PRKCQ: variants seen among roughly 807,000 people sequenced by gnomAD.
The protein encoded by PRKCQ is protein kinase C theta type.
In PRKCQ, 41 loss-of-function variants were observed where a neutral mutation model predicts 91.2. The ratio of observed to expected loss-of-function variants is 0.45; its 90% confidence interval spans 0.35 to 0.58. The LOEUF (loss-of-function observed/expected upper bound fraction) is 0.58. Among genes scored for constraint, PRKCQ ranks in the 20% least tolerant of loss-of-function variants. The pLI, the probability that PRKCQ is intolerant of heterozygous loss-of-function variation, is 0.00. For missense variants in PRKCQ, 673 were observed against 896.5 expected (o/e 0.75, Z 3.18); for synonymous variants, 307 against 316.9 (o/e 0.97, Z 0.33).
At chr10:6,411,252 T>G in the PRKCQ span, among the ~76,000 whole-genome samples, 19 of 152,194 alleles carry the variant, frequency 1.2e-4, no homozygotes, top group African/African-American at 4.3e-4. Flanking sequence ...CCTTTTATAG[T>G]CATTATGGAG....
At chr10:6,492,203 A>G (rs1275231502) in intron 7 of PRKCQ, among the ~76,000 whole-genome samples, 6 of 151,278 alleles carry the variant, frequency 4.0e-5, no homozygotes, top group Non-Finnish European at 7.4e-5. Flanking sequence ...TTTCTCTTTC[A>G]GTCCAGAACT....
chr10:6,550,982 G>A (rs574566111), intron 1 of PRKCQ, among the ~76,000 whole-genome samples: 1 of 152,316 alleles, frequency 6.6e-6, no homozygotes, highest in South Asian at 2.1e-4. Context: ...GGTAAGTAAT[G>A]TTGAGCATCT....
At chr10:6,411,214 CAGTT>C in the PRKCQ span, among the ~76,000 whole-genome samples, 1 of 152,164 alleles carries the variant, frequency 6.6e-6, no homozygotes, top group Non-Finnish European at 1.5e-5. Context: ...AGCTCTTTAT[CAGTT>C]AGTGAGGACA....
rs373668714 is a variant in PRKCQ at position 6,527,821 on chromosome 10, C to G, written c.-9-12677G>C. Among the ~76,000 whole-genome samples the G allele has an allele frequency of 2.7e-4, 41 of 152,270 alleles. No homozygotes were observed. In the East Asian group the frequency reaches 5.8e-3, roughly 21 times the overall value. On this transcript the variant is annotated intron_variant, in intron 1 of 17. Transcript: ENST00000263125. ...TAAATCCTTCAGGATCCACATTCCC[C>G]TACAAAACAAGCCTATGCCGATTGC...
intron 1 of PRKCQ, among the ~76,000 whole-genome samples, chr10:6,526,204 C>T (rs574790616): frequency 9.4e-4 from 143 of 152,268 alleles, no homozygotes; most frequent in Non-Finnish European, 1.6e-3. Context: ...TCCTCAGGAT[C>T]CTTGGTATTT....
At chr10:6,431,011 C>G (rs945507213) in intron 16 of PRKCQ, 73 bp from the exon 17 acceptor site, 1 of 1,531,506 alleles carries the variant, frequency 6.5e-7, no homozygotes, top group Non-Finnish European at 8.8e-7. Context: ...CGTGGTGCTT[C>G]CTGGTGCACC....
At chr10:6,539,219 G>A (rs566376424) in intron 1 of PRKCQ, among the ~76,000 whole-genome samples, 12 of 152,224 alleles carry the variant, frequency 7.9e-5, no homozygotes, top group African/African-American at 2.4e-4. Context: ...ATCGGAGAAT[G>A]TTTCTGAGAA....
chr10:6,546,133 C>T (rs995052015), intron 1 of PRKCQ, among the ~76,000 whole-genome samples: 7 of 152,194 alleles, frequency 4.6e-5, no homozygotes, highest in Admixed American at 3.9e-4. Flanking sequence ...TGGTGGGGAA[C>T]TGAGCTCAGA....
intron 1 of PRKCQ, among the ~76,000 whole-genome samples, chr10:6,532,528 C>A (rs1353206760): frequency 6.6e-6 from 1 of 151,942 alleles, no homozygotes; most frequent in Non-Finnish European, 1.5e-5. Context: ...CCCGAATGCA[C>A]CCAATCTTGA....
intron 1 of PRKCQ, among the ~76,000 whole-genome samples, chr10:6,547,636 A>AT (rs1840013179): frequency 6.6e-6 from 1 of 150,594 alleles, no homozygotes; most frequent in Admixed American, 6.6e-5. Context: ...TGAGGAAAGG[A>AT]TTCCCTATTT....
rs147513144 is a variant in PRKCQ at position 6,443,341 on chromosome 10, T to C, written c.1648-1260A>G. Among the ~76,000 whole-genome samples the C allele has an allele frequency of 5.0e-3, 758 of 152,252 alleles. 10 individuals carry two copies. The highest frequency in any genetic ancestry group is 0.017 in the African/African-American group (714 of 41,546). ...AAATTACCAACGGAAATAAAACCAG[T>C]ATGTAGAGGAGACAGCTGCACTTGC... On this transcript the variant is annotated intron_variant, in intron 15 of 17. Transcript: ENST00000263125.
chr10:6,426,482 C>G (rs1287818905), downstream of PRKCQ, among the ~76,000 whole-genome samples: 7 of 152,168 alleles, frequency 4.6e-5, no homozygotes, highest in Non-Finnish European at 7.3e-5. Flanking sequence ...ACAAGTGTCG[C>G]CTTCTCACAT....
chr10:6,410,672 A>C, the PRKCQ span, among the ~76,000 whole-genome samples: 3 of 152,186 alleles, frequency 2.0e-5, no homozygotes, highest in African/African-American at 7.2e-5. Context: ...GAGTTGAGCA[A>C]TTCCACCCAG....
chr10:6,423,139 G>C (rs1833044268), downstream of PRKCQ, among the ~76,000 whole-genome samples: 1 of 152,316 alleles, frequency 6.6e-6, no homozygotes, highest in East Asian at 1.9e-4. Context: ...GGCCTGGGGT[G>C]GGTTGGCTTT....
At chr10:6,508,997 G>C (rs1185626514) in intron 3 of PRKCQ, among the ~76,000 whole-genome samples, 1 of 152,090 alleles carries the variant, frequency 6.6e-6, no homozygotes, top group Non-Finnish European at 1.5e-5. Flanking sequence ...GATTCCAATA[G>C]AAGCAAGGGA....
At chr10:6,478,145 A>C (rs749079709) in intron 12 of PRKCQ, among the ~76,000 whole-genome samples, 1 of 152,230 alleles carries the variant, frequency 6.6e-6, no homozygotes, top group Non-Finnish European at 1.5e-5. Context: ...CACGTTGTAG[A>C]ATATCCAAAG....
intron 1 of PRKCQ, among the ~76,000 whole-genome samples, chr10:6,563,233 G>A (rs561025747): frequency 1.5e-4 from 23 of 151,966 alleles, no homozygotes; most frequent in African/African-American, 4.1e-4. Flanking sequence ...CAAGAGTCCC[G>A]GAAGCAGCAA....
chr10:6,495,605 T>C (rs1837543701), intron 7 of PRKCQ, among the ~76,000 whole-genome samples: 1 of 152,244 alleles, frequency 6.6e-6, no homozygotes, highest in Non-Finnish European at 1.5e-5. Context: ...CATACATAGC[T>C]GTTTATTATC....
chr10:6,448,024 C>T (rs191091871), intron 15 of PRKCQ, among the ~76,000 whole-genome samples: 5 of 152,252 alleles, frequency 3.3e-5, no homozygotes, highest in South Asian at 2.1e-4. Context: ...GGGCAGCCTC[C>T]GACCAGGGGT....
Sources: allele counts gnomAD v4.1 joint callset (sites outside exome capture counted in the v4.1 genomes callset), GRCh38; gene constraint gnomAD v4.1.1; transcripts MANE v1.5; gene names NCBI Gene and HGNC (gene_info 2026-07-23, HGNC 2026-07-21).